The following PDPN variants were observed in gnomAD, a reference collection of about 807,000 sequenced individuals.
PDPN encodes PA2.26 antigen.
In PDPN, 12 loss-of-function variants were observed where a neutral mutation model predicts 23.2. That is an observed-to-expected ratio of 0.52 (90% CI 0.33 to 0.84). The LOEUF (loss-of-function observed/expected upper bound fraction) is 0.84, where lower values mean the gene tolerates loss of function less well. Among genes scored for constraint, PDPN ranks in the 40% least tolerant of loss-of-function variants. The pLI is 0.02. For missense variants in PDPN, 199 were observed against 212.2 expected (o/e 0.94, Z 0.39); for synonymous variants, 77 against 76.7 (o/e 1.00, Z -0.02).
chr1:13,614,412 G>C lies in PDPN; in HGVS notation c.482+1G>C, dbSNP rs1641015708. On this transcript the variant is annotated splice_donor_variant, in intron 5 of 5. Coordinates refer to ENST00000621990, the MANE Select transcript of PDPN (RefSeq NM_006474.5). LOFTEE classifies it high-confidence loss of function. ...TGCGAAAAATGTCGGGAAGGTACTC[G>C]TAAGTAAATAGCTTACACCCATGTG... The C allele has an allele frequency of 1.4e-6, 2 of 1,439,982 alleles. No individual in the cohort carries two copies. The highest frequency in any genetic ancestry group is 9.8e-7 in the Non-Finnish European group (1 of 1,021,994). The allele number at this position is 1,439,982 out of a possible 1,614,324, so 89.2% of individuals were successfully genotyped here.
intron 1 of PDPN, among the ~76,000 whole-genome samples, chr1:13,593,041 A>G (rs899781884): frequency 2.6e-5 from 4 of 152,184 alleles, no homozygotes; most frequent in Non-Finnish European, 4.4e-5. Flanking sequence ...GTTTTTACCA[A>G]GATTGCTTTG....
intron 2 of PDPN, among the ~76,000 whole-genome samples, chr1:13,608,591 A>G (rs1010732923): frequency 7.9e-5 from 12 of 152,286 alleles, no homozygotes; most frequent in African/African-American, 2.9e-4. Context: ...CAAACAGCCT[A>G]AAGTAATCTC....
Position 13,614,430 on chromosome 1 carries a change from C to A in PDPN, c.482+19C>A, listed in dbSNP as rs781646667. The stretch of plus-strand genomic sequence containing the variant: ...GGTACTCGTAAGTAAATAGCTTACA[C>A]CCATGTGATAGGCAAATGAAAGCCA... On this transcript the variant is annotated intron_variant, in intron 5 of 5. Transcript: ENST00000621990. 2 of 1,193,462 alleles carry A rather than the reference C, an allele frequency of 1.7e-6. No homozygotes were observed. The highest frequency in any genetic ancestry group is 2.5e-6 in the Non-Finnish European group (2 of 801,036). The allele number at this position is 1,193,462 out of a possible 1,614,324, so 73.9% of individuals were successfully genotyped here.
chr1:13,598,943 G>A (rs1364655195), intron 1 of PDPN, among the ~76,000 whole-genome samples: 1 of 151,794 alleles, frequency 6.6e-6, no homozygotes, highest in East Asian at 1.9e-4. Context: ...AAGCATTCAG[G>A]TATATGTGCC....
At chr1:13,584,244 G>C in intron 1 of PDPN, 144 bp downstream of exon 1, 1 of 1,512,346 alleles carries the variant, frequency 6.6e-7, no homozygotes, top group Non-Finnish European at 8.8e-7. Flanking sequence ...GCGGCTGAGC[G>C]CCGGAGGAGG....
chr1:13,604,276 T>A (rs1640724347), intron 1 of PDPN, among the ~76,000 whole-genome samples: 1 of 152,204 alleles, frequency 6.6e-6, no homozygotes, highest in Non-Finnish European at 1.5e-5. Flanking sequence ...AGACATGAGA[T>A]GCTGGCTGGA....
At chr1:13,606,219 A>T (rs1640786728) in intron 1 of PDPN, among the ~76,000 whole-genome samples, 2 of 151,026 alleles carry the variant, frequency 1.3e-5, no homozygotes, top group Admixed American at 1.3e-4. Context: ...CAAATTCCTG[A>T]CCTCAAATTC....
At chr1:13,604,389 A>G (rs1324600772) in intron 1 of PDPN, among the ~76,000 whole-genome samples, 3 of 152,208 alleles carry the variant, frequency 2.0e-5, no homozygotes, top group African/African-American at 7.2e-5. Context: ...CAGCTTTCCC[A>G]TGGAGCAAAA....
At position 13,600,695 on chromosome 1, in the gene PDPN, A is replaced by C. The variant is rs187747716; in HGVS notation, c.68-6478A>C. ...ACTTAACTTCCGACCTTGTTAAAGAAACACTAATTCTGACACTTGTTGAAA... is the reference window on the plus strand; with the variant it reads ...ACTTAACTTCCGACCTTGTTAAAGACACACTAATTCTGACACTTGTTGAAA... On this transcript the variant is annotated intron_variant, in intron 1 of 5. Coordinates refer to ENST00000621990, the MANE Select transcript of PDPN (RefSeq NM_006474.5). Among the ~76,000 whole-genome samples the C allele has an allele frequency of 5.5e-3, 844 of 152,252 alleles. 6 individuals carry two copies. The highest frequency in any genetic ancestry group is 0.019 in the African/African-American group (803 of 41,548).
intron 1 of PDPN, among the ~76,000 whole-genome samples, chr1:13,584,994 A>G (rs1159180317): frequency 6.6e-6 from 1 of 151,972 alleles, no homozygotes; most frequent in African/African-American, 2.4e-5. Context: ...TTATTTTTAT[A>G]TTTCCTCAAT....
At chr1:13,599,350 T>C (rs568680843) in intron 1 of PDPN, among the ~76,000 whole-genome samples, 91 of 149,080 alleles carry the variant, frequency 6.1e-4, no homozygotes, top group African/African-American at 2.3e-3. Flanking sequence ...AGGGAAGCTA[T>C]CTTGATGTGT....
intron 1 of PDPN, among the ~76,000 whole-genome samples, chr1:13,599,907 A>G (rs1640598847): frequency 6.6e-6 from 1 of 152,160 alleles, no homozygotes. Flanking sequence ...CTTAACTTGC[A>G]CAGTTAAGCG....
chr1:13,615,575 C>T (rs1209299879), intron 5 of PDPN, among the ~76,000 whole-genome samples: 5 of 152,006 alleles, frequency 3.3e-5, no homozygotes, highest in African/African-American at 1.2e-4. Context: ...CATGAGCCAC[C>T]GCACCCAGCC....
At position 13,591,654 on chromosome 1, in the gene PDPN, G is replaced by A. The variant is rs78266556; in HGVS notation, c.67+7554G>A. Among the ~76,000 whole-genome samples, 1,311 of 152,246 alleles carry A rather than the reference G, an allele frequency of 8.6e-3. 17 individuals are homozygous for A. The highest frequency in any genetic ancestry group is 0.03 in the African/African-American group (1,256 of 41,546). On this transcript the variant is annotated intron_variant, in intron 1 of 5. Coordinates refer to ENST00000621990, the MANE Select transcript of PDPN (RefSeq NM_006474.5). The stretch of plus-strand genomic sequence containing the variant: ...TTCATTTACTTAGCATGATGCTTAC[G>A]AGGTTCATCCATGTTATAGCATGCA...
chr1:13,610,906 C>T (rs1640917207), intron 3 of PDPN, among the ~76,000 whole-genome samples: 1 of 152,230 alleles, frequency 6.6e-6, no homozygotes. Flanking sequence ...ACCTTGAGTT[C>T]ATGTCTGCAT....
chr1:13,590,442 A>G (rs917679154), intron 1 of PDPN, among the ~76,000 whole-genome samples: 2 of 152,230 alleles, frequency 1.3e-5, no homozygotes, highest in Non-Finnish European at 2.9e-5. Flanking sequence ...TTTAGAGATA[A>G]GAGAGAATCT....
intron 1 of PDPN, among the ~76,000 whole-genome samples, chr1:13,603,660 C>G (rs1199689985): frequency 6.6e-6 from 1 of 151,394 alleles, no homozygotes; most frequent in Non-Finnish European, 1.5e-5. Context: ...ATGATCTCAG[C>G]TCCCTGCAAC....
In PDPN at chr1:13,583,884, T is replaced by C; in HGVS notation, c.-150T>C. The stretch of plus-strand genomic sequence containing the variant: ...TAGGGTCTGGGAAGCTCGGGCACCC[T>C]CCCTCTCCGGGGCTCCTGCTCCCAC... On this transcript the variant is annotated 5_prime_UTR_variant, in exon 1 of 6. Transcript: ENST00000621990. The C allele has an allele frequency of 6.2e-7, 1 of 1,610,404 alleles. No individual in the cohort carries two copies. The highest frequency in any genetic ancestry group is 2.2e-5 in the East Asian group (1 of 44,864).
At chr1:13,588,614 A>G (rs938841696) in intron 1 of PDPN, among the ~76,000 whole-genome samples, 1 of 147,436 alleles carries the variant, frequency 6.8e-6, no homozygotes, top group Admixed American at 6.8e-5. Context: ...ATATTTACAT[A>G]TATAATATAT....
Sources: gnomAD v4.1 joint callset for allele counts (sites outside exome capture counted in the v4.1 genomes callset) on GRCh38, gnomAD v4.1.1 for gene constraint, MANE v1.5 for transcripts, NCBI Gene and HGNC (gene_info 2026-07-23, HGNC 2026-07-21) for gene names.